The following PCSK6 variants were observed in gnomAD, a reference collection of about 807,000 sequenced individuals.
PCSK6 encodes the protein proprotein convertase subtilisin/kexin type 6, also known as paired basic amino acid cleaving enzyme 4.
Under a neutral mutation model 123.3 loss-of-function variants are expected in PCSK6, and 85 were observed. The ratio of observed to expected loss-of-function variants is 0.69; its 90% CI spans 0.58 to 0.83. The LOEUF is 0.83. Among genes scored for constraint, PCSK6 ranks in the 40% least tolerant of loss-of-function variants. PCSK6 has a pLI of 0.00. For synonymous variants in PCSK6, 508 were observed against 516.0 expected, an observed-to-expected ratio of 0.98 and a Z score of 0.21; for missense variants, 1,191 against 1,282.3, an observed-to-expected ratio of 0.93 and a Z score of 1.09.
At chr15:101,309,065 C>G (rs963124863) in intron 20 of PCSK6, 1 of 152,444 alleles carries the variant, frequency 6.6e-6, no homozygotes, top group Non-Finnish European at 1.5e-5. Flanking sequence ...ATGGCAGGGG[C>G]CTCGGTTTTC....
At chr15:101,470,780 A>C (rs572769706) in intron 1 of PCSK6, among the ~76,000 whole-genome samples, 1 of 152,256 alleles carries the variant, frequency 6.6e-6, no homozygotes, top group South Asian at 2.1e-4. Context: ...GCCCTGGTAC[A>C]TCCCCGGGGT....
At chr15:101,358,280 C>T (rs2041105848) in intron 13 of PCSK6, among the ~76,000 whole-genome samples, 1 of 152,190 alleles carries the variant, frequency 6.6e-6, no homozygotes, top group African/African-American at 2.4e-5. Flanking sequence ...CTCCTAATGG[C>T]CTGTATTTTC....
Position 101,332,141 on chromosome 15 carries a change from T to A in PCSK6, c.1859-110A>T. On this transcript the variant is annotated intron_variant, in intron 13 of 21. Transcript: ENST00000611716. ...CTCCCCTGATAGCTGGGCTCTGGCC[T>A]GCTACCTTCACTTCCTGGTTACCTG... The A allele has an allele frequency of 1.4e-5, 14 of 968,718 alleles. No individual in the cohort carries two copies. The South Asian group carries it at 2.0e-4, about 14-fold the overall frequency. 60.0% of individuals were successfully genotyped at this position (968,718 alleles called of 1,614,324 possible).
At chr15:101,458,467 C>A (rs958896327) in intron 1 of PCSK6, among the ~76,000 whole-genome samples, 1 of 152,188 alleles carries the variant, frequency 6.6e-6, no homozygotes, top group Non-Finnish European at 1.5e-5. Flanking sequence ...TGGACCCCCA[C>A]AGGACCCGGC....
In PCSK6 at chr15:101,331,647, T is replaced by C; in HGVS notation, c.2077+4A>G. On this transcript the variant is annotated splice_donor_region_variant and intron_variant, in intron 15 of 21. Coordinates refer to ENST00000611716, the MANE Select transcript of PCSK6 (RefSeq NM_002570.5). ...AAATACTTACTGGTTTGAAGCATACTTACTGGTCTGTAAAATATTAGCAGA... is the reference window on the plus strand; with the variant it reads ...AAATACTTACTGGTTTGAAGCATACCTACTGGTCTGTAAAATATTAGCAGA... 1 of 1,613,306 alleles carries C rather than the reference T, an allele frequency of 6.2e-7. No individual in the cohort carries two copies. Among genetic ancestry groups the C allele is most frequent in the Non-Finnish European group, 8.5e-7 (1 of 1,179,456 alleles).
chr15:101,393,335 G>A lies in PCSK6; in HGVS notation c.1086C>T (p.Asn362=). Residue 362 remains asparagine (N), a synonymous_variant, in exon 8 of 22, where the codon AAC becomes AAT. Coordinates refer to ENST00000611716, the MANE Select transcript of PCSK6 (RefSeq NM_002570.5). ...GDYCSCDGYT[N]SIYTISVSSA... ...TGCTGACGGAGATGGTGTAGATGCT[G>A]TTGGTGTAGCCATCGCACGAGCAGT... 6.2e-7 allele frequency: 1 copy of A among 1,611,024 alleles called. No homozygotes were observed.
In PCSK6 at chr15:101,309,688, C is replaced by T. The variant is rs900415; in HGVS notation, c.2700-2363G>A. Among the ~76,000 whole-genome samples, 566 of 152,350 alleles carry T rather than the reference C, an allele frequency of 3.7e-3. 4 individuals are homozygous for T. The highest frequency in any genetic ancestry group is 0.013 in the African/African-American group (531 of 41,586). On this transcript the variant is annotated intron_variant, in intron 20 of 21. Transcript: ENST00000611716. ...CTGTGCCCCTGGGAGTCTCTGCCCC[C>T]GCTGAGCCTGGGGGCAAGTGGAGGC...
chr15:101,435,132 CG>C (rs1567219417), intron 2 of PCSK6, among the ~76,000 whole-genome samples: 1 of 152,098 alleles, frequency 6.6e-6, no homozygotes, highest in East Asian at 1.9e-4. Context: ...AATGCCCCCT[CG>C]GGGTGAAACC....
intron 13 of PCSK6, chr15:101,347,351 T>C: frequency 8.1e-7 from 1 of 1,238,706 alleles, no homozygotes; most frequent in Non-Finnish European, 1.0e-6. Flanking sequence ...GTTATGCTCT[T>C]GGGAAAAAAG....
At chr15:101,306,157 C>T (rs760581819) in intron 21 of PCSK6, among the ~76,000 whole-genome samples, 6 of 151,948 alleles carry the variant, frequency 3.9e-5, no homozygotes, top group Non-Finnish European at 7.4e-5. Context: ...AGGGAGCCGC[C>T]GTGGACAGGA....
At chr15:101,412,042 C>T (rs530806344) in intron 6 of PCSK6, among the ~76,000 whole-genome samples, 3 of 152,164 alleles carry the variant, frequency 2.0e-5, no homozygotes, top group Admixed American at 1.3e-4. Context: ...GGGAGGCACA[C>T]AGGGAGTGGG....
chr15:101,380,297 C>G (rs1237148359), intron 11 of PCSK6, among the ~76,000 whole-genome samples: 2 of 152,336 alleles, frequency 1.3e-5, no homozygotes, highest in East Asian at 3.9e-4. Context: ...CGATTTCTGG[C>G]AGGAGAAGAA....
rs1214570233 is a variant in PCSK6, at chr15:101,381,722, GGA to G, written c.1532+368_1532+369del. The stretch of plus-strand genomic sequence containing the variant: ...AATCTCTAGCCGGTGGTGACAGAAA[GGA>G]CACCTGCAGCTACTCCCCATTTCAC... On this transcript the variant is annotated intron_variant, in intron 11 of 21. Coordinates refer to ENST00000611716, the MANE Select transcript of PCSK6 (RefSeq NM_002570.5). Among the ~76,000 whole-genome samples the G allele has an allele frequency of 2.6e-5, 4 of 152,308 alleles. No individual in the cohort carries two copies. In the East Asian group the frequency reaches 5.8e-4, roughly 22 times the overall value.
chr15:101,383,260 A>G (rs2041957898), intron 10 of PCSK6, among the ~76,000 whole-genome samples: 1 of 152,034 alleles, frequency 6.6e-6, no homozygotes, highest in South Asian at 2.1e-4. Flanking sequence ...TACAAAAATT[A>G]GCTGGGCGTG....
At chr15:101,315,799 C>T (rs907227446) in intron 19 of PCSK6, among the ~76,000 whole-genome samples, 28 of 152,226 alleles carry the variant, frequency 1.8e-4, no homozygotes, top group Admixed American at 1.6e-3. Context: ...TCGCGTCCCA[C>T]GGGGCCACTG....
chr15:101,349,902 C>T (rs145598223), intron 13 of PCSK6, among the ~76,000 whole-genome samples: 145 of 152,056 alleles, frequency 9.5e-4, no homozygotes, highest in African/African-American at 3.1e-3. Flanking sequence ...CTTGTGTTTT[C>T]GTTTATTTTT....
intron 7 of PCSK6, among the ~76,000 whole-genome samples, chr15:101,397,521 A>C (rs1175782109): frequency 6.6e-6 from 1 of 151,928 alleles, no homozygotes; most frequent in African/African-American, 2.4e-5. Flanking sequence ...CCACAGGAGG[A>C]GTCAGAGAAG....
intron 13 of PCSK6, chr15:101,346,725 G>C (rs1030851288): frequency 2.5e-6 from 3 of 1,219,022 alleles, no homozygotes; most frequent in South Asian, 4.3e-5. Flanking sequence ...CCTCAGATCT[G>C]TCATTTTCAT....
At chr15:101,365,608 A>G (rs1470005949) in intron 13 of PCSK6, among the ~76,000 whole-genome samples, 1 of 152,042 alleles carries the variant, frequency 6.6e-6, no homozygotes, top group East Asian at 1.9e-4. Flanking sequence ...CTTGTACATG[A>G]ATCCTCATAG....
Sources: gnomAD v4.1 joint callset for allele counts (sites outside exome capture counted in the v4.1 genomes callset) on GRCh38, gnomAD v4.1.1 for gene constraint, MANE v1.5 for transcripts, NCBI Gene and HGNC (gene_info 2026-07-23, HGNC 2026-07-21) for gene names.